The following MACROD2 variants were observed in gnomAD, a reference collection of about 807,000 sequenced individuals.
MACROD2 encodes the protein ADP-ribose glycohydrolase MACROD2.
MACROD2 carries 36 observed loss-of-function variants against 70.4 expected under a neutral mutation model. The ratio of observed to expected loss-of-function variants is 0.51; its 90% CI spans 0.39 to 0.68. MACROD2 has a LOEUF of 0.68. MACROD2 is among the 30% of genes least tolerant of loss of function. The pLI, the probability that MACROD2 is intolerant of heterozygous loss-of-function variation, is 0.00. For synonymous variants in MACROD2, 172 were observed against 178.8 expected, an observed-to-expected ratio of 0.96 and a Z score of 0.30; for missense variants, 496 against 538.4, an observed-to-expected ratio of 0.92 and a Z score of 0.78.
At chr20:14,446,391 A>G (rs1231306863) in intron 3 of MACROD2, among the ~76,000 whole-genome samples, 1 of 152,116 alleles carries the variant, frequency 6.6e-6, no homozygotes, top group Non-Finnish European at 1.5e-5. Context: ...CCAAGATTTG[A>G]ACCAGGCTGT....
intron 5 of MACROD2, among the ~76,000 whole-genome samples, chr20:15,139,066 G>T (rs533131416): frequency 2.0e-5 from 3 of 152,244 alleles, no homozygotes; most frequent in Non-Finnish European, 4.4e-5. Context: ...TTAAATGGAG[G>T]TTTAATGTCT....
chr20:14,127,523 C>CT, intron 3 of MACROD2: 1 of 508,436 alleles, frequency 2.0e-6, no homozygotes, highest in Non-Finnish European at 3.6e-6. Flanking sequence ...AGTTGCTCTA[C>CT]TTAAGGAGAA....
At chr20:15,609,496 C>T (rs1278224290) in intron 8 of MACROD2, among the ~76,000 whole-genome samples, 1 of 152,224 alleles carries the variant, frequency 6.6e-6, no homozygotes, top group Non-Finnish European at 1.5e-5. Flanking sequence ...CAGCTCAATA[C>T]AGCCATCCAT....
chr20:14,383,492 G>T (rs1727165534), intron 3 of MACROD2, among the ~76,000 whole-genome samples: 1 of 152,058 alleles, frequency 6.6e-6, no homozygotes, highest in South Asian at 2.1e-4. Flanking sequence ...TAGGCACTTG[G>T]ACTCAATTTC....
At chr20:14,680,498 C>T (rs113606015) in intron 4 of MACROD2, among the ~76,000 whole-genome samples, 5 of 152,020 alleles carry the variant, frequency 3.3e-5, no homozygotes, top group African/African-American at 7.2e-5. Flanking sequence ...CCCACCTTAA[C>T]GAAACGTCCA....
At chr20:15,823,125 A>C (rs1371739232) in intron 8 of MACROD2, among the ~76,000 whole-genome samples, 1 of 152,256 alleles carries the variant, frequency 6.6e-6, no homozygotes, top group South Asian at 2.1e-4. Context: ...TAGAAGCAAC[A>C]TGGATAAATA....
intron 3 of MACROD2, among the ~76,000 whole-genome samples, chr20:14,208,369 G>A (rs2081543235): frequency 6.6e-6 from 1 of 152,178 alleles, no homozygotes; most frequent in South Asian, 2.1e-4. Context: ...TTGGCATGTT[G>A]TGGGTACCTT....
intron 7 of MACROD2, among the ~76,000 whole-genome samples, chr20:15,487,620 G>A (rs771479552): frequency 5.3e-5 from 8 of 152,066 alleles, no homozygotes; most frequent in Non-Finnish European, 1.0e-4. Context: ...CAGATTCCAC[G>A]TGCTACCAGC....
chr20:15,296,809 A>G (rs150303300), intron 6 of MACROD2, among the ~76,000 whole-genome samples: 71 of 152,366 alleles, frequency 4.7e-4, no homozygotes, highest in Middle Eastern at 3.4e-3. Flanking sequence ...TGGCAACTCC[A>G]TAAGTGGATG....
intron 5 of MACROD2, among the ~76,000 whole-genome samples, chr20:14,872,424 A>C (rs572727152): frequency 6.6e-6 from 1 of 152,112 alleles, no homozygotes; most frequent in Non-Finnish European, 1.5e-5. Flanking sequence ...AGGGAAAAAA[A>C]GGGTAAACAG....
At chr20:15,207,801 T>G (rs879415284) in intron 5 of MACROD2, among the ~76,000 whole-genome samples, 6 of 152,166 alleles carry the variant, frequency 3.9e-5, no homozygotes, top group African/African-American at 7.2e-5. Flanking sequence ...TTTTCTCCAA[T>G]ATAGATAAGG....
intron 2 of MACROD2, among the ~76,000 whole-genome samples, chr20:14,075,805 G>T (rs189417387): frequency 1.3e-5 from 2 of 152,166 alleles, no homozygotes; most frequent in Admixed American, 1.3e-4. Context: ...ATCCCCAAAA[G>T]CAACCACCTG....
chr20:14,969,978 G>A (rs142013314), intron 5 of MACROD2, among the ~76,000 whole-genome samples: 9 of 151,982 alleles, frequency 5.9e-5, no homozygotes, highest in Non-Finnish European at 1.0e-4. Flanking sequence ...TTCCATCATC[G>A]TCATCATCAT....
chr20:14,288,417 A>C (rs746327441), intron 3 of MACROD2, among the ~76,000 whole-genome samples: 6 of 152,268 alleles, frequency 3.9e-5, no homozygotes, highest in Middle Eastern at 6.8e-3. Flanking sequence ...AGAGAAAAAT[A>C]AACTTTTATT....
intron 13 of MACROD2, among the ~76,000 whole-genome samples, chr20:15,983,808 T>A (rs1419204856): frequency 6.6e-6 from 1 of 152,234 alleles, no homozygotes; most frequent in Non-Finnish European, 1.5e-5. Flanking sequence ...TTTGATCCAT[T>A]TCAACCAGGC....
intron 5 of MACROD2, among the ~76,000 whole-genome samples, chr20:14,736,502 T>C (rs997424825): frequency 2.0e-5 from 3 of 152,146 alleles, no homozygotes; most frequent in Non-Finnish European, 2.9e-5. Flanking sequence ...GTAAACAAAG[T>C]GTTTTTCAAA....
chr20:14,098,961 A>C (rs2054264812), intron 3 of MACROD2, among the ~76,000 whole-genome samples: 1 of 152,170 alleles, frequency 6.6e-6, no homozygotes, highest in African/African-American at 2.4e-5. Context: ...AAACTGTCAC[A>C]CCTGTGTAAT....
chr20:14,118,842 AT>A (rs1225541555), intron 3 of MACROD2, among the ~76,000 whole-genome samples: 250 of 121,226 alleles, frequency 2.1e-3, no homozygotes, highest in East Asian at 9.4e-3. Context: ...AGTGACTGTG[AT>A]TTTTTTTTTT....
At chr20:14,472,294 A>T (rs977334713) in intron 3 of MACROD2, among the ~76,000 whole-genome samples, 1 of 152,174 alleles carries the variant, frequency 6.6e-6, no homozygotes, top group Non-Finnish European at 1.5e-5. Flanking sequence ...TCTGTTTGCA[A>T]TGCATTTTTT....
Sources: allele counts gnomAD v4.1 joint callset (sites outside exome capture counted in the v4.1 genomes callset), GRCh38; gene constraint gnomAD v4.1.1; transcripts MANE v1.5; gene names NCBI Gene and HGNC (gene_info 2026-07-23, HGNC 2026-07-21).